The following SFMBT1 variants were observed in gnomAD, a reference collection of about 807,000 sequenced individuals.
The protein encoded by SFMBT1 is scm-like with four MBT domains protein 1.
A neutral mutation model predicts 108.7 loss-of-function variants in SFMBT1; 32 were observed. The ratio of observed to expected loss-of-function variants is 0.29; its 90% confidence interval spans 0.22 to 0.40. SFMBT1 has a LOEUF of 0.40. Among genes scored for constraint, SFMBT1 ranks in the 10% least tolerant of loss-of-function variants. The probability of loss-of-function intolerance (pLI) is 1.00; values close to 1 mark genes in which losing one functional copy is unlikely to be tolerated. For missense variants in SFMBT1, 816 were observed against 1,059.6 expected, an observed-to-expected ratio of 0.77 and a Z score of 3.19; for synonymous variants, 348 against 369.5, an observed-to-expected ratio of 0.94 and a Z score of 0.67.
intron 4 of SFMBT1, among the ~76,000 whole-genome samples, chr3:52,941,785 C>G (rs923200307): frequency 3.3e-5 from 5 of 151,782 alleles, no homozygotes; most frequent in Non-Finnish European, 7.4e-5. Flanking sequence ...GTAGACCCAG[C>G]TACTTGGCAG....
At chr3:53,044,859 A>C (rs997963424) in intron 1 of SFMBT1, 1 of 152,470 alleles carries the variant, frequency 6.6e-6, no homozygotes, top group Non-Finnish European at 1.5e-5. Context: ...CTTGAGCACA[A>C]GCTCTGGGGG....
intron 1 of SFMBT1, among the ~76,000 whole-genome samples, chr3:52,983,661 C>T (rs529336183): frequency 6.6e-6 from 1 of 152,022 alleles, no homozygotes; most frequent in Non-Finnish European, 1.5e-5. Flanking sequence ...CATGTGGGTA[C>T]GTGCGGAAGA....
chr3:52,962,254 TGCTG>T (rs1703983509), intron 2 of SFMBT1, among the ~76,000 whole-genome samples: 1 of 152,206 alleles, frequency 6.6e-6, no homozygotes. Flanking sequence ...CCCAAAGATA[TGCTG>T]GCAAAAATAC....
chr3:53,036,541 C>T (rs1030876155), intron 1 of SFMBT1, among the ~76,000 whole-genome samples: 3 of 152,194 alleles, frequency 2.0e-5, no homozygotes, highest in Non-Finnish European at 4.4e-5. Flanking sequence ...AGAGGACTGG[C>T]GTCTTTGGGG....
intron 1 of SFMBT1, among the ~76,000 whole-genome samples, chr3:52,977,678 A>T (rs1704564078): frequency 6.6e-6 from 1 of 152,188 alleles, no homozygotes; most frequent in African/African-American, 2.4e-5. Flanking sequence ...TTTTATATAG[A>T]TGTATACATA....
intron 3 of SFMBT1, among the ~76,000 whole-genome samples, chr3:52,946,664 T>C (rs757119810): frequency 1.3e-5 from 2 of 152,246 alleles, no homozygotes; most frequent in Non-Finnish European, 2.9e-5. Flanking sequence ...TGCTTGTCCC[T>C]TGGTACATAC....
chr3:52,956,770 A>G (rs958334556), intron 2 of SFMBT1, among the ~76,000 whole-genome samples: 3 of 152,168 alleles, frequency 2.0e-5, no homozygotes, highest in African/African-American at 7.2e-5. Flanking sequence ...CAAAAAATCA[A>G]TAAATAAAAT....
chr3:52,945,250 C>A (rs1703329282), intron 3 of SFMBT1, among the ~76,000 whole-genome samples: 1 of 149,406 alleles, frequency 6.7e-6, no homozygotes, highest in Non-Finnish European at 1.5e-5. Context: ...AGGAAATGAT[C>A]AAAAAATTAT....
chr3:52,927,000 A>G (rs1702678673), intron 9 of SFMBT1, among the ~76,000 whole-genome samples: 1 of 152,056 alleles, frequency 6.6e-6, no homozygotes, highest in African/African-American at 2.4e-5. Context: ...CCTTCCCTCT[A>G]TTTACAAAGA....
chr3:52,948,710 G>A (rs893956388), intron 3 of SFMBT1, among the ~76,000 whole-genome samples: 64 of 150,810 alleles, frequency 4.2e-4, no homozygotes, highest in African/African-American at 4.1e-4. Context: ...GATGTACAGC[G>A]GCACAATCTC....
At chr3:52,945,845 G>A (rs1271228531) in intron 3 of SFMBT1, among the ~76,000 whole-genome samples, 1 of 151,424 alleles carries the variant, frequency 6.6e-6, no homozygotes, top group African/African-American at 2.4e-5. Context: ...GATAAACATT[G>A]CAGGCAAGAA....
intron 13 of SFMBT1, among the ~76,000 whole-genome samples, chr3:52,917,537 G>A (rs1702396297): frequency 6.6e-6 from 1 of 152,144 alleles, no homozygotes; most frequent in South Asian, 2.1e-4. Context: ...CAGAATGTAA[G>A]AAAATAAATT....
At chr3:52,986,419 G>T (rs1704917281) in intron 1 of SFMBT1, among the ~76,000 whole-genome samples, 1 of 151,774 alleles carries the variant, frequency 6.6e-6, no homozygotes, top group Non-Finnish European at 1.5e-5. Context: ...AAATTTTTTT[G>T]ACTTTCTTGT....
chr3:52,961,389 T>C (rs1437210656), intron 2 of SFMBT1, among the ~76,000 whole-genome samples: 1 of 152,160 alleles, frequency 6.6e-6, no homozygotes, highest in Non-Finnish European at 1.5e-5. Context: ...ATGTACTTAA[T>C]GCCAATAAAC....
rs745347631 is a variant in SFMBT1, at chr3:52,925,999, C to T, written c.1131+32G>A. The T allele has an allele frequency of 2.2e-5, 30 of 1,346,712 alleles. No individual in the cohort carries two copies. In the South Asian group the frequency reaches 2.8e-4, roughly 12 times the overall value. 83.4% of individuals were successfully genotyped at this position (1,346,712 alleles called of 1,614,324 possible). ...AGCACAGCAGTCCCTGCAGCCCTGC[C>T]ATAGTGGCCATGAGGCCGTGGGGGT... On this transcript the variant is annotated intron_variant, in intron 10 of 20. Coordinates refer to ENST00000394752, the MANE Select transcript of SFMBT1 (RefSeq NM_016329.4).
intron 14 of SFMBT1, among the ~76,000 whole-genome samples, chr3:52,915,427 G>C (rs951358612): frequency 2.0e-5 from 3 of 152,246 alleles, no homozygotes. Context: ...AGGTACAAGA[G>C]ACGGAAGTAC....
chr3:52,926,031 C>T lies in SFMBT1; in HGVS notation c.1131G>A (p.Pro377=), dbSNP rs754014702. 6 of 1,605,850 alleles carry T rather than the reference C, an allele frequency of 3.7e-6. No individual in the cohort carries two copies. The highest frequency in any genetic ancestry group is 2.5e-6 in the Non-Finnish European group (3 of 1,176,960). Residue 377 remains proline, a splice_region_variant and synonymous_variant, in exon 10 of 21, where the codon CCG becomes CCA. Coordinates refer to ENST00000394752, the MANE Select transcript of SFMBT1 (RefSeq NM_016329.4). ...GCCATGAGGCCGTGGGGGTCCTCAC[C>T]GGAGGGAAGCACCTCTGGGGAGCAG... The part of the protein sequence containing the change: ...AEAAPQRCFP[P]LISEHEFKEN...
At chr3:52,913,766 T>A in intron 14 of SFMBT1, 149 bp from the exon 15 acceptor site, 3 of 847,546 alleles carry the variant, frequency 3.5e-6, no homozygotes, top group Non-Finnish European at 5.3e-6. Flanking sequence ...TAACATGTTG[T>A]CTGAGAATGC....
rs55859723 is a variant in SFMBT1, at chr3:52,972,744, A to AACACACACACAC, written c.-130-3498_-130-3487dup. ...ACGTGGTAAAACCCCATCTCTACTA[A>AACACACACACAC]ACACACACACACACACACACACACA... On this transcript the variant is annotated intron_variant, in intron 1 of 20. Coordinates refer to ENST00000394752, the MANE Select transcript of SFMBT1 (RefSeq NM_016329.4). Among the ~76,000 whole-genome samples the AACACACACACAC allele has an allele frequency of 1.8e-3, 170 of 95,138 alleles. 4 individuals carry two copies. The highest frequency in any genetic ancestry group is 2.3e-3 in the Non-Finnish European group (114 of 49,000). The allele number at this position is 95,138 out of a possible 152,430, so 62.4% of individuals were successfully genotyped here. A position where few individuals can be genotyped will look rare whatever the true frequency, so the allele number is the denominator to read the frequency against.
Sources: allele counts gnomAD v4.1 joint callset (sites outside exome capture counted in the v4.1 genomes callset), GRCh38; gene constraint gnomAD v4.1.1; transcripts MANE v1.5; gene names NCBI Gene and HGNC (gene_info 2026-07-23, HGNC 2026-07-21).